IL16: variants seen among roughly 807,000 people sequenced by gnomAD.
The protein encoded by IL16 is interleukin 16, also known as pro-interleukin-16.
In IL16, 67 loss-of-function variants were observed where a neutral mutation model predicts 110.1. The observed-to-expected ratio is 0.61, with a 90% confidence interval of 0.50 to 0.75. The LOEUF (loss-of-function observed/expected upper bound fraction) is 0.75. Among genes scored for constraint, IL16 ranks in the 30% least tolerant of loss-of-function variants. The pLI, the probability that IL16 is intolerant of heterozygous loss-of-function variation, is 0.00. For missense variants in IL16, 1,545 were observed against 1,655.0 expected, an observed-to-expected ratio of 0.93 and a Z score of 1.15; for synonymous variants, 689 against 662.9, an observed-to-expected ratio of 1.04 and a Z score of -0.61.
intron 2 of IL16, among the ~76,000 whole-genome samples, chr15:81,249,902 C>T (rs1467697177): frequency 2.0e-5 from 3 of 152,084 alleles, no homozygotes; most frequent in African/African-American, 7.2e-5. Flanking sequence ...GATATATATT[C>T]CAATTCTTTC....
chr15:81,225,789 T>G, intron 2 of IL16, 78 bp downstream of exon 2: 2 of 1,263,802 alleles, frequency 1.6e-6, no homozygotes, highest in Non-Finnish European at 2.2e-6. Flanking sequence ...TGAATCCATT[T>G]ATTCAAAAAT....
intron 11 of IL16, 56 bp downstream of exon 11, chr15:81,290,596 G>T: frequency 8.2e-7 from 1 of 1,225,440 alleles, no homozygotes; most frequent in African/African-American, 1.5e-5. Flanking sequence ...AGAAAGCTTA[G>T]GATTTATCCA....
rs754460453 is a variant in IL16 at position 81,198,499 on chromosome 15, T to A, written c.-102+1347T>A. 6.6e-4 allele frequency among the ~76,000 whole-genome samples: 100 copies of A among 152,300 alleles called. 2 individuals are homozygous for A. Among genetic ancestry groups the A allele is most frequent in the Middle Eastern group, 6.8e-3 (2 of 294 alleles). The stretch of plus-strand genomic sequence containing the variant: ...GGGTTAAAAAATAATCTCTGTTGGA[T>A]GCAATTGACTATAGAATTATTATTT... On this transcript the variant is annotated intron_variant, in intron 1 of 18. Transcript: ENST00000683961.
At chr15:81,238,714 A>T (rs574804364) in intron 2 of IL16, among the ~76,000 whole-genome samples, 1 of 151,470 alleles carries the variant, frequency 6.6e-6, no homozygotes, top group East Asian at 1.9e-4. Flanking sequence ...TACTCATTCT[A>T]TTCTTCTTCT....
rs1054274682 is a variant in IL16 at position 81,292,988 on chromosome 15, G to C, written c.1853G>C (p.Arg618Thr). 6.2e-7 allele frequency: 1 copy of C among 1,613,100 alleles called. No individual in the cohort carries two copies. Among genetic ancestry groups the C allele is most frequent in the African/African-American group, 1.3e-5 (1 of 74,950 alleles). Residue 618 changes from arginine (R) to threonine (T), a missense_variant, in exon 12 of 19, where the codon AGA (arginine) becomes ACA (threonine). Physicochemically the swap from Arg to Thr is moderately conservative, Grantham distance 71. Coordinates refer to ENST00000683961, the MANE Select transcript of IL16 (RefSeq NM_172217.5). ...GACCCTCAGAAGAGTCTGGAAGAGA[G>C]AGAGAACTCCTCATGCTCTTCTGGG... ...DSDPQKSLEE[R>T]ENSSCSSGHT...
intron 12 of IL16, among the ~76,000 whole-genome samples, 166 bp downstream of exon 12, chr15:81,293,203 T>C (rs1164810000): frequency 2.0e-5 from 3 of 152,208 alleles, no homozygotes; most frequent in Non-Finnish European, 2.9e-5. Flanking sequence ...CATGAAAAGA[T>C]GGGTTTGAAG....
chr15:81,209,642 A>G (rs1054915782), intron 1 of IL16, among the ~76,000 whole-genome samples: 3 of 152,190 alleles, frequency 2.0e-5, no homozygotes, highest in Admixed American at 6.5e-5. Flanking sequence ...CCAGGTCAGC[A>G]AGGCCAAAGG....
intron 1 of IL16, chr15:81,188,417 G>A (rs994306848): frequency 3.3e-5 from 15 of 456,146 alleles, no homozygotes; most frequent in African/African-American, 1.6e-4. Flanking sequence ...CGTGTTGAAC[G>A]TCCACTGTAT....
intron 2 of IL16, among the ~76,000 whole-genome samples, chr15:81,247,381 A>C (rs1897602674): frequency 6.6e-6 from 1 of 152,036 alleles, no homozygotes; most frequent in African/African-American, 2.4e-5. Flanking sequence ...TTCAGTTCTA[A>C]ATGCCTTTAA....
chr15:81,255,670 G>A (rs904211201), intron 2 of IL16, among the ~76,000 whole-genome samples: 5 of 152,170 alleles, frequency 3.3e-5, no homozygotes, highest in Non-Finnish European at 7.4e-5. Context: ...GGACCCAGTC[G>A]GTTCAGTGTC....
intron 2 of IL16, among the ~76,000 whole-genome samples, chr15:81,255,833 C>T (rs1390527285): frequency 6.6e-6 from 1 of 152,130 alleles, no homozygotes; most frequent in Non-Finnish European, 1.5e-5. Flanking sequence ...GCTTTACAGG[C>T]CAGGCAATTT....
intron 1 of IL16, among the ~76,000 whole-genome samples, chr15:81,207,097 G>T (rs1160109065): frequency 6.6e-6 from 1 of 151,850 alleles, no homozygotes; most frequent in African/African-American, 2.4e-5. Flanking sequence ...TTAGCCAGGC[G>T]TGGTGGTGGG....
chr15:81,291,660 C>T (rs750271742), intron 11 of IL16, among the ~76,000 whole-genome samples: 1 of 151,994 alleles, frequency 6.6e-6, no homozygotes, highest in Non-Finnish European at 1.5e-5. Context: ...GAGAGAAGGG[C>T]CTCTCAAGGA....
At chr15:81,223,271 G>A (rs1896679886) in intron 1 of IL16, among the ~76,000 whole-genome samples, 1 of 151,700 alleles carries the variant, frequency 6.6e-6, no homozygotes, top group Non-Finnish European at 1.5e-5. Context: ...AGGGGAGGAA[G>A]TACAAAGTGC....
At chr15:81,278,329 A>T (rs1351312878) in intron 6 of IL16, among the ~76,000 whole-genome samples, 3 of 152,208 alleles carry the variant, frequency 2.0e-5, no homozygotes, top group Non-Finnish European at 4.4e-5. Flanking sequence ...GTACAGTGTG[A>T]CATGAACATA....
At chr15:81,265,204 A>G (rs1210470698) in intron 3 of IL16, among the ~76,000 whole-genome samples, 2 of 152,140 alleles carry the variant, frequency 1.3e-5, no homozygotes, top group African/African-American at 2.4e-5. Flanking sequence ...CCTGTGTAAG[A>G]GCCAGTCAGA....
intron 2 of IL16, among the ~76,000 whole-genome samples, chr15:81,239,833 C>T (rs528712153): frequency 2.6e-4 from 40 of 152,234 alleles, no homozygotes; most frequent in African/African-American, 8.9e-4. Flanking sequence ...TTCTGGGTTG[C>T]AGGCCTCTCC....
At chr15:81,275,688 G>A (rs533271414) in intron 6 of IL16, among the ~76,000 whole-genome samples, 103 of 152,226 alleles carry the variant, frequency 6.8e-4, no homozygotes, top group Admixed American at 1.7e-3. Flanking sequence ...CATAAAAATT[G>A]AAGATTTCAA....
chr15:81,201,538 A>G (rs561606804), intron 1 of IL16, among the ~76,000 whole-genome samples: 47 of 152,062 alleles, frequency 3.1e-4, no homozygotes, highest in African/African-American at 1.0e-3. Flanking sequence ...TCCTACTTCT[A>G]TTTCTTCCAG....
Sources: gnomAD v4.1 joint callset for allele counts (sites outside exome capture counted in the v4.1 genomes callset) on GRCh38, gnomAD v4.1.1 for gene constraint, MANE v1.5 for transcripts, NCBI Gene and HGNC (gene_info 2026-07-23, HGNC 2026-07-21) for gene names.